The following MCMBP variants were observed in gnomAD, a reference collection of about 807,000 sequenced individuals.
MCMBP encodes the protein mini-chromosome maintenance complex-binding protein.
Under a neutral mutation model 81.3 loss-of-function variants are expected in MCMBP, and 31 were observed. That is an observed-to-expected ratio of 0.38 (90% CI 0.29 to 0.51). The LOEUF (loss-of-function observed/expected upper bound fraction) is 0.51. Among genes scored for constraint, MCMBP ranks in the 20% least tolerant of loss-of-function variants. MCMBP has a pLI of 0.87. For missense variants in MCMBP, 645 were observed against 772.1 expected (o/e 0.84, Z 1.95); for synonymous variants, 267 against 275.9 (o/e 0.97, Z 0.32).
Position 119,854,965 on chromosome 10 carries a change from A to AT in MCMBP, c.430-1772_430-1771insA, listed in dbSNP as rs1852974614. ...AGGACTCTGCCTCAAAAAAAAAAAA[A>AT]AAAAAAATAAAATAAAATCATAATC... On this transcript the variant is annotated intron_variant, in intron 5 of 15. Coordinates refer to ENST00000369077, the MANE Select transcript of MCMBP (RefSeq NM_001256378.2). Among the ~76,000 whole-genome samples the AT allele has an allele frequency of 2.6e-5, 4 of 151,806 alleles. No individual in the cohort carries two copies. In the South Asian group the frequency reaches 8.3e-4, roughly 31 times the overall value.
chr10:119,839,156 CA>C (rs1279192163), intron 11 of MCMBP, among the ~76,000 whole-genome samples: 1 of 152,116 alleles, frequency 6.6e-6, no homozygotes, highest in African/African-American at 2.4e-5. Flanking sequence ...ACAAACTTTT[CA>C]GAGAAAAATC....
upstream of MCMBP, chr10:119,872,931 C>G (rs1019059077): frequency 2.0e-5 from 3 of 150,708 alleles, no homozygotes; most frequent in Admixed American, 1.3e-4. Flanking sequence ...CGGCGCAGCG[C>G]GGCTCTGCGC....
chr10:119,838,383 T>TAA, intron 12 of MCMBP, 152 bp downstream of exon 12: 2 of 641,166 alleles, frequency 3.1e-6, no homozygotes. Flanking sequence ...AATTAGTTTA[T>TAA]AACATATGCT....
chr10:119,849,476 A>G lies in MCMBP; in HGVS notation c.675T>C (p.Phe225=). 6.2e-7 allele frequency: 1 copy of G among 1,611,360 alleles called. No individual in the cohort carries two copies. The highest frequency in any genetic ancestry group is 1.1e-5 in the South Asian group (1 of 90,520). Residue 225 remains phenylalanine, a synonymous_variant, in exon 7 of 16, where the codon TTT becomes TTC. Transcript: ENST00000369077. ...QLNSLNLSSP[F]DLNFPLPGEK... ...CTCCTGGCAATGGAAAATTCAAATC[A>G]AAAGGAGAAGACAAGTTCAGAGAGT...
chr10:119,857,306 C>T, intron 5 of MCMBP, 32 bp downstream of exon 5: 1 of 1,474,806 alleles, frequency 6.8e-7, no homozygotes, highest in Non-Finnish European at 9.4e-7. Flanking sequence ...TAGAAACCAT[C>T]AACACAGTAA....
Position 119,857,528 on chromosome 10 carries a change from A to T in MCMBP, c.328-89T>A. On this transcript the variant is annotated intron_variant, in intron 4 of 15. Transcript: ENST00000369077. ...ATTAGCAACCACATTTTCACATTAT[A>T]ACACCACAGCAAATATTTTACAGAT... is the stretch of plus-strand genomic sequence containing the variant. 4.4e-6 allele frequency: 3 copies of T among 681,132 alleles called. No individual in the cohort carries two copies. In the South Asian group the frequency reaches 6.5e-5, roughly 15 times the overall value. The allele number at this position is 681,132 out of a possible 1,614,324, so 42.2% of individuals were successfully genotyped here. A position where few individuals can be genotyped will look rare whatever the true frequency, so the allele number is the denominator to read the frequency against.
intron 5 of MCMBP, among the ~76,000 whole-genome samples, chr10:119,855,444 G>C (rs1235091117): frequency 6.6e-6 from 1 of 152,238 alleles, no homozygotes; most frequent in African/African-American, 2.4e-5. Flanking sequence ...GGTTGAGGCA[G>C]GTGGATCACG....
intron 13 of MCMBP, among the ~76,000 whole-genome samples, chr10:119,836,446 C>T (rs1388121453): frequency 6.6e-6 from 1 of 152,198 alleles, no homozygotes; most frequent in Non-Finnish European, 1.5e-5. Context: ...CTCTCTTTAC[C>T]AGCCACTCTG....
At chr10:119,873,129 G>T (rs1275111303), upstream of MCMBP, among the ~76,000 whole-genome samples, 1 of 152,140 alleles carries the variant, frequency 6.6e-6, no homozygotes, top group Non-Finnish European at 1.5e-5. Context: ...AGGGCAAAGC[G>T]AGTCTGCACA....
chr10:119,834,676 A>C (rs189744631), intron 14 of MCMBP, among the ~76,000 whole-genome samples: 4 of 151,766 alleles, frequency 2.6e-5, no homozygotes, highest in East Asian at 3.9e-4. Flanking sequence ...ACACACACAC[A>C]CCCAAACAAA....
At position 119,849,407 on chromosome 10, in the gene MCMBP, T is replaced by C; in HGVS notation, c.726+18A>G. The C allele has an allele frequency of 3.1e-6, 5 of 1,597,430 alleles. No homozygotes were observed. The highest frequency in any genetic ancestry group is 4.3e-6 in the Non-Finnish European group (5 of 1,175,042). ...ACACATAACATTTCAGTGTTGGATC[T>C]ACGAAAGGTTTTATTACCTTCACAA... On this transcript the variant is annotated intron_variant, in intron 7 of 15. Transcript: ENST00000369077.
At chr10:119,832,509 G>A (rs557155916) in intron 14 of MCMBP, among the ~76,000 whole-genome samples, 1 of 152,178 alleles carries the variant, frequency 6.6e-6, no homozygotes, top group African/African-American at 2.4e-5. Flanking sequence ...TTATTGGTAA[G>A]AATGTTGAGC....
At chr10:119,863,210 T>C (rs543027536) in intron 1 of MCMBP, among the ~76,000 whole-genome samples, 1 of 152,172 alleles carries the variant, frequency 6.6e-6, no homozygotes, top group Non-Finnish European at 1.5e-5. Context: ...CGGTGTCATG[T>C]CTTAAGAACT....
intron 1 of MCMBP, among the ~76,000 whole-genome samples, chr10:119,867,087 G>T (rs1853486944): frequency 6.6e-6 from 1 of 151,808 alleles, no homozygotes; most frequent in Non-Finnish European, 1.5e-5. Flanking sequence ...GGGCAGAGGA[G>T]GTCGAGACCA....
Position 119,840,979 on chromosome 10 carries a change from A to C in MCMBP, c.1125-19T>G, listed in dbSNP as rs760582298. 4 of 1,391,936 alleles carry C rather than the reference A, an allele frequency of 2.9e-6. No homozygotes were observed. In the African/African-American group the frequency reaches 5.7e-5, roughly 20 times the overall value. The allele number at this position is 1,391,936 out of a possible 1,614,324, so 86.2% of individuals were successfully genotyped here. A position where few individuals can be genotyped will look rare whatever the true frequency, so the allele number is the denominator to read the frequency against. On this transcript the variant is annotated intron_variant, in intron 10 of 15. Transcript: ENST00000369077. ...TGTATATCTAGAAAAGAAAGAAATC[A>C]ATCAATAAGATGCTGAAGTGACTTC... is the stretch of plus-strand genomic sequence containing the variant.
intron 5 of MCMBP, among the ~76,000 whole-genome samples, chr10:119,855,737 ATGGATGAAG>A (rs796230646): frequency 9.8e-5 from 15 of 152,302 alleles, no homozygotes; most frequent in African/African-American, 3.6e-4. Context: ...TAAAGCAGAA[ATGGATGAAG>A]CAGAAAACAG....
chr10:119,848,299 TTAAG>T (rs1564877885), intron 7 of MCMBP, among the ~76,000 whole-genome samples: 1 of 152,104 alleles, frequency 6.6e-6, no homozygotes, highest in Admixed American at 6.6e-5. Flanking sequence ...GCCATATGAC[TTAAG>T]TGTCATTTCA....
At chr10:119,843,630 T>C (rs546883183) in intron 8 of MCMBP, among the ~76,000 whole-genome samples, 3 of 152,190 alleles carry the variant, frequency 2.0e-5, no homozygotes, top group Non-Finnish European at 1.5e-5. Flanking sequence ...CATGAAATAA[T>C]GCATTTATTC....
At chr10:119,846,773 T>C (rs1392916986) in intron 8 of MCMBP, among the ~76,000 whole-genome samples, 1 of 152,184 alleles carries the variant, frequency 6.6e-6, no homozygotes, top group Non-Finnish European at 1.5e-5. Context: ...ATCAAGGCTG[T>C]CTGCTCTCTA....
Sources: gnomAD v4.1 joint callset for allele counts (sites outside exome capture counted in the v4.1 genomes callset) on GRCh38, gnomAD v4.1.1 for gene constraint, MANE v1.5 for transcripts, NCBI Gene and HGNC (gene_info 2026-07-23, HGNC 2026-07-21) for gene names.